GLT8D2: variants seen among roughly 807,000 people sequenced by gnomAD.
GLT8D2 encodes the protein glycosyltransferase 8 domain-containing protein 2.
A neutral mutation model predicts 44.5 loss-of-function variants in GLT8D2; 45 were observed. That is an observed-to-expected ratio of 1.01 (90% CI 0.80 to 1.30). The LOEUF (loss-of-function observed/expected upper bound fraction) is 1.30, where lower values mean the gene tolerates loss of function less well. Ranked by LOEUF, GLT8D2 falls within the 50% of genes most tolerant of loss-of-function variation. The pLI is 0.00. For synonymous variants in GLT8D2, 156 were observed against 157.2 expected, an observed-to-expected ratio of 0.99 and a Z score of 0.06; for missense variants, 400 against 430.4, an observed-to-expected ratio of 0.93 and a Z score of 0.62.
At chr12:104,044,087 T>C (rs962990562) in intron 1 of GLT8D2, among the ~76,000 whole-genome samples, 2 of 152,084 alleles carry the variant, frequency 1.3e-5, no homozygotes, top group African/African-American at 4.8e-5. Context: ...ACCAAAGTCA[T>C]TACAGCATCC....
At chr12:104,005,788 C>T (rs1419435959) in intron 4 of GLT8D2, among the ~76,000 whole-genome samples, 3 of 152,192 alleles carry the variant, frequency 2.0e-5, no homozygotes, top group Non-Finnish European at 4.4e-5. Context: ...GTTGGTGGAA[C>T]TGTAAACTGG....
chr12:104,019,261 G>A (rs1877313827), intron 3 of GLT8D2, among the ~76,000 whole-genome samples: 1 of 151,626 alleles, frequency 6.6e-6, no homozygotes, highest in South Asian at 2.1e-4. Context: ...CCGAGTAGCT[G>A]AGACTACAGG....
At chr12:104,015,430 AC>A (rs1244247525) in intron 3 of GLT8D2, among the ~76,000 whole-genome samples, 269 of 151,302 alleles carry the variant, frequency 1.8e-3, no homozygotes, top group Non-Finnish European at 3.0e-3. Flanking sequence ...ACACACACAC[AC>A]ACACAAATTA....
chr12:104,016,880 AAGAAAAATAAAGAG>A (rs1876931590), intron 3 of GLT8D2, among the ~76,000 whole-genome samples: 1 of 144,718 alleles, frequency 6.9e-6, no homozygotes, highest in Non-Finnish European at 1.5e-5. Context: ...GAAAGAAAGA[AAGAAAAATAAAGAG>A]AGAAAGAAAG....
chr12:104,005,587 C>G (rs547066581), intron 4 of GLT8D2, among the ~76,000 whole-genome samples: 8 of 152,318 alleles, frequency 5.3e-5, no homozygotes, highest in African/African-American at 1.7e-4. Context: ...TGAACAGACA[C>G]TTCTCAAAAG....
intron 4 of GLT8D2, among the ~76,000 whole-genome samples, chr12:104,009,159 G>T (rs753984683): frequency 6.6e-6 from 1 of 152,154 alleles, no homozygotes; most frequent in East Asian, 1.9e-4. Flanking sequence ...AGCTTGCACC[G>T]TTGCTGGAAA....
intron 9 of GLT8D2, 103 bp from the exon 10 acceptor site, chr12:103,993,607 G>T: frequency 4.2e-6 from 3 of 714,276 alleles, no homozygotes; most frequent in Non-Finnish European, 6.8e-6. Context: ...ATCTCACTAT[G>T]TACTAAGACT....
chr12:104,005,249 T>C (rs938736427), intron 4 of GLT8D2, among the ~76,000 whole-genome samples: 1 of 152,212 alleles, frequency 6.6e-6, no homozygotes, highest in East Asian at 1.9e-4. Context: ...TATTAAAGAC[T>C]GAAATGTTAG....
chr12:104,040,394 T>C (rs906140293), intron 1 of GLT8D2, among the ~76,000 whole-genome samples: 1 of 152,170 alleles, frequency 6.6e-6, no homozygotes, highest in Non-Finnish European at 1.5e-5. Flanking sequence ...ACTATACATC[T>C]CTTTGAAATA....
At chr12:104,027,338 C>T (rs1487612564) in intron 1 of GLT8D2, among the ~76,000 whole-genome samples, 1 of 152,174 alleles carries the variant, frequency 6.6e-6, no homozygotes, top group Non-Finnish European at 1.5e-5. Flanking sequence ...CTAGAATGGT[C>T]TTTGGCCATG....
rs560241506 is a variant in GLT8D2, at chr12:104,056,264, A to G, written c.-422-5976T>C. On this transcript the variant is annotated intron_variant, in intron 1 of 10. Coordinates refer to the GLT8D2 transcript ENST00000548660. ...CATCTGTTTCCCTCACCTTGGCAAC[A>G]GTCCCTGCCCAGGATCTCTGCTATC... Among the ~76,000 whole-genome samples, 5 of 152,320 alleles carry G rather than the reference A, an allele frequency of 3.3e-5. No homozygotes were observed. The South Asian group carries it at 1.0e-3, about 32-fold the overall frequency.
chr12:104,017,486 C>T (rs1004116512), intron 3 of GLT8D2, among the ~76,000 whole-genome samples: 4 of 152,074 alleles, frequency 2.6e-5, no homozygotes, highest in African/African-American at 9.7e-5. Context: ...CCATGCCTGG[C>T]TAATTTTTGT....
At chr12:104,042,985 G>A (rs755161757) in intron 1 of GLT8D2, among the ~76,000 whole-genome samples, 8 of 152,148 alleles carry the variant, frequency 5.3e-5, no homozygotes, top group Non-Finnish European at 1.0e-4. Context: ...ACAAGGTCCC[G>A]GCATGCAAAG....
intron 3 of GLT8D2, among the ~76,000 whole-genome samples, chr12:104,016,759 GA>G (rs1566199564): frequency 2.6e-3 from 247 of 95,810 alleles, no homozygotes; most frequent in African/African-American, 6.8e-3. Flanking sequence ...AAGAAAGAAA[GA>G]AAGAAAGAAA....
chr12:103,993,937 T>A (rs560605094), intron 9 of GLT8D2: 1 of 162,490 alleles, frequency 6.2e-6, no homozygotes, highest in East Asian at 1.8e-4. Flanking sequence ...AAAACTCCGA[T>A]AACGAAAAAT....
intron 6 of GLT8D2, among the ~76,000 whole-genome samples, chr12:103,997,956 C>CGT (rs1555276833): frequency 1.4e-5 from 2 of 145,432 alleles, no homozygotes; most frequent in African/African-American, 5.1e-5. Flanking sequence ...CACACACACA[C>CGT]GTGTGTCATT....
intron 10 of GLT8D2, 132 bp from the exon 11 acceptor site, chr12:103,989,709 C>G (rs902172289): frequency 2.8e-6 from 2 of 717,406 alleles, no homozygotes; most frequent in Non-Finnish European, 4.5e-6. Context: ...TTTCTACCCA[C>G]CCCAGGTCTC....
intron 1 of GLT8D2, among the ~76,000 whole-genome samples, chr12:104,048,956 A>T (rs1881447360): frequency 6.6e-6 from 1 of 152,216 alleles, no homozygotes. Context: ...GGCAGCATGT[A>T]GATTCAGTCC....
intron 10 of GLT8D2, among the ~76,000 whole-genome samples, chr12:103,989,807 G>A (rs1872490463): frequency 1.3e-5 from 2 of 152,066 alleles, no homozygotes; most frequent in South Asian, 4.1e-4. Flanking sequence ...TATATTTAAA[G>A]ACAGAAGACA....
Sources: gnomAD v4.1 joint callset for allele counts (sites outside exome capture counted in the v4.1 genomes callset) on GRCh38, gnomAD v4.1.1 for gene constraint, MANE v1.5 for transcripts, NCBI Gene and HGNC (gene_info 2026-07-23, HGNC 2026-07-21) for gene names.